Variants in CHST11 observed in about 807,000 individuals in gnomAD.
CHST11 encodes C4S-1.
Under a neutral mutation model 30.4 loss-of-function variants are expected in CHST11, and 9 were observed. The observed-to-expected ratio is 0.30, with a 90% CI of 0.18 to 0.52. The LOEUF is 0.52. CHST11 is among the 20% of genes least tolerant of loss of function. CHST11 has a pLI of 0.97. For missense variants in CHST11, 348 were observed against 460.6 expected, an observed-to-expected ratio of 0.76 and a Z score of 2.24; for synonymous variants, 152 against 187.8, an observed-to-expected ratio of 0.81 and a Z score of 1.56.
At chr12:104,670,643 T>A (rs930119362) in intron 2 of CHST11, among the ~76,000 whole-genome samples, 1 of 142,932 alleles carries the variant, frequency 7.0e-6, no homozygotes, top group Admixed American at 7.0e-5. Context: ...TCATGCACAC[T>A]CTCCCACACA....
chr12:104,723,346 G>A (rs2136127945), intron 2 of CHST11, among the ~76,000 whole-genome samples: 1 of 152,312 alleles, frequency 6.6e-6, no homozygotes, highest in East Asian at 1.9e-4. Context: ...ACATAGTCAG[G>A]ACAGCCTGGC....
intron 1 of CHST11, among the ~76,000 whole-genome samples, chr12:104,505,340 C>G (rs901335776): frequency 1.3e-5 from 2 of 152,160 alleles, no homozygotes; most frequent in East Asian, 3.8e-4. Flanking sequence ...CCACACCCCC[C>G]CAGCAGAGAG....
chr12:104,547,228 A>G (rs997313151), intron 1 of CHST11, among the ~76,000 whole-genome samples: 2 of 152,274 alleles, frequency 1.3e-5, no homozygotes, highest in Admixed American at 1.3e-4. Context: ...CAGCCCCAGA[A>G]AGGGAGGTGT....
At chr12:104,740,843 A>G (rs312172) in intron 2 of CHST11, among the ~76,000 whole-genome samples, 31,201 of 152,124 alleles carry the variant, frequency 0.21, 3,351 homozygotes, top group Admixed American at 0.24. Context: ...GAGATGTCTG[A>G]CTTCCTCAGT....
At chr12:104,723,239 G>A (rs1333812924) in intron 2 of CHST11, among the ~76,000 whole-genome samples, 1 of 152,138 alleles carries the variant, frequency 6.6e-6, no homozygotes, top group Admixed American at 6.5e-5. Flanking sequence ...ATACAGCTGT[G>A]AGCCCTTTGT....
At chr12:104,473,892 T>A (rs926790199) in intron 1 of CHST11, among the ~76,000 whole-genome samples, 9 of 152,040 alleles carry the variant, frequency 5.9e-5, no homozygotes, top group Admixed American at 5.2e-4. Flanking sequence ...TCCCCTTTAT[T>A]TTCCGTTAAA....
chr12:104,468,002 C>G (rs959534697), intron 1 of CHST11, among the ~76,000 whole-genome samples: 6 of 152,112 alleles, frequency 3.9e-5, no homozygotes, highest in African/African-American at 1.4e-4. Context: ...AAGCTCTGTT[C>G]TAGGTGTAGA....
Position 104,491,443 on chromosome 12 carries a change from C to CTCTTCTTCT in CHST11, c.118+33928_118+33936dup, listed in dbSNP as rs147243817. On this transcript the variant is annotated intron_variant, in intron 1 of 2. Transcript: ENST00000303694. The stretch of plus-strand genomic sequence containing the variant: ...GAAACAAGAACCACTTTACCTTAGT[C>CTCTTCTTCT]TCTTCTTCTTCTTCTTCTTCTTTTC... 8.1e-3 allele frequency among the ~76,000 whole-genome samples: 1,225 copies of CTCTTCTTCT among 151,606 alleles called. 15 individuals are homozygous for CTCTTCTTCT. Among genetic ancestry groups the CTCTTCTTCT allele is most frequent in the African/African-American group, 0.028 (1,135 of 41,200 alleles).
chr12:104,482,605 T>G (rs1477367412), intron 1 of CHST11, among the ~76,000 whole-genome samples: 1 of 152,110 alleles, frequency 6.6e-6, no homozygotes, highest in African/African-American at 2.4e-5. Flanking sequence ...ATTTTGGTCC[T>G]TTGAGCAAGG....
Position 104,757,691 on chromosome 12 carries a change from C to T in CHST11, c.947C>T (p.Thr316Ile). The T allele has an allele frequency of 6.2e-7, 1 of 1,614,164 alleles. No individual in the cohort carries two copies. Among genetic ancestry groups the T allele is most frequent in the Non-Finnish European group, 8.5e-7 (1 of 1,180,046 alleles). Reference protein sequence around the residue: ...KSTRTTDEMTTEFFQNISSEH... With the variant: ...KSTRTTDEMTIEFFQNISSEH... ...ACGAGAACTACTGATGAAATGACCACAGAATTCTTCCAGAACATCAGCTCA... is the reference window on the plus strand; with the variant it reads ...ACGAGAACTACTGATGAAATGACCATAGAATTCTTCCAGAACATCAGCTCA... Residue 316 changes from threonine to isoleucine, a missense_variant, in exon 3 of 3, where the codon ACA becomes ATA. Thr to Ile is a moderately conservative substitution (Grantham distance 89). This residue lies in a region of CHST11 where 210 missense variants were observed against 287.2 expected (regional missense o/e 0.73). Coordinates refer to ENST00000303694, the MANE Select transcript of CHST11 (RefSeq NM_018413.6). The surrounding 1 kb of genome is among the most constrained non-coding windows in gnomAD (Gnocchi z 6.5).
In CHST11 at chr12:104,676,942, T is replaced by C. The variant is rs1242230364; in HGVS notation, c.204+74951T>C. Among the ~76,000 whole-genome samples, 1 of 152,130 alleles carries C rather than the reference T, an allele frequency of 6.6e-6. No homozygotes were observed. The highest frequency in any genetic ancestry group is 2.4e-5 in the African/African-American group (1 of 41,436). ...TCTTGTTTCTATAGGGGCTGTGTGG[T>C]GTGGGCCCCATCCCAGCCCCTGCCC... On this transcript the variant is annotated intron_variant, in intron 2 of 2. Coordinates refer to ENST00000303694, the MANE Select transcript of CHST11 (RefSeq NM_018413.6). This position sits in a 1 kb window ranked among gnomAD's most constrained non-coding sequence, Gnocchi z 4.4.
chr12:104,583,691 CT>C (rs2136033732), intron 1 of CHST11, among the ~76,000 whole-genome samples: 1 of 149,528 alleles, frequency 6.7e-6, no homozygotes, highest in South Asian at 2.2e-4. Flanking sequence ...AAACAAATGC[CT>C]TGTGCTCTCA....
At chr12:104,466,248 A>G (rs1277377475) in intron 1 of CHST11, among the ~76,000 whole-genome samples, 2 of 152,190 alleles carry the variant, frequency 1.3e-5, no homozygotes, top group Admixed American at 6.5e-5. Flanking sequence ...ATGGGGCTCC[A>G]GGAATGTCTC....
In CHST11 at chr12:104,533,913, G is replaced by A. The variant is rs1005871974; in HGVS notation, c.119-67993G>A. 2.6e-5 allele frequency among the ~76,000 whole-genome samples: 4 copies of A among 152,202 alleles called. No homozygotes were observed. The South Asian group carries it at 6.2e-4, about 24-fold the overall frequency. ...ACAAAAATTTCCGTTGGATTGGGCC[G>A]AGGCTGGGAAATTGAAGGCATTTAT... On this transcript the variant is annotated intron_variant, in intron 1 of 2. Transcript: ENST00000303694.
At chr12:104,496,006 C>G (rs926572808) in intron 1 of CHST11, among the ~76,000 whole-genome samples, 1 of 152,210 alleles carries the variant, frequency 6.6e-6, no homozygotes, top group African/African-American at 2.4e-5. Context: ...ACTGATGCCT[C>G]GGATAGCAGA....
rs542393252 is a variant in CHST11 at position 104,603,451 on chromosome 12, C to T, written c.204+1460C>T. Among the ~76,000 whole-genome samples, 7 of 152,342 alleles carry T rather than the reference C, an allele frequency of 4.6e-5. No individual in the cohort carries two copies. The South Asian group carries it at 1.5e-3, about 32-fold the overall frequency. On this transcript the variant is annotated intron_variant, in intron 2 of 2. Coordinates refer to ENST00000303694, the MANE Select transcript of CHST11 (RefSeq NM_018413.6). ...CCCCTGTGGATGGAAGGTCCATGGA[C>T]TGCGTCTGTCCTGTTCACTGTTGGC...
intron 1 of CHST11, among the ~76,000 whole-genome samples, chr12:104,494,885 A>G (rs1364310862): frequency 2.0e-5 from 3 of 152,176 alleles, no homozygotes; most frequent in Non-Finnish European, 4.4e-5. Context: ...AGTGGTAAGT[A>G]TATTCATACT....
At chr12:104,659,142 C>T (rs992228513) in intron 2 of CHST11, among the ~76,000 whole-genome samples, 7 of 152,190 alleles carry the variant, frequency 4.6e-5, no homozygotes, top group African/African-American at 2.4e-5. Context: ...TGTCTGGATC[C>T]GTGCTCAAGA....
intron 1 of CHST11, among the ~76,000 whole-genome samples, chr12:104,546,060 T>C (rs998325190): frequency 2.6e-5 from 4 of 152,240 alleles, no homozygotes; most frequent in Non-Finnish European, 5.9e-5. Flanking sequence ...ACCAGCACAT[T>C]GGGGATTTCG....
Sources: allele counts gnomAD v4.1 joint callset (sites outside exome capture counted in the v4.1 genomes callset), GRCh38; gene constraint gnomAD v4.1.1; regional missense constraint gnomAD v4.1.1; non-coding constraint Gnocchi (gnomAD v3.1); transcripts MANE v1.5; gene names NCBI Gene and HGNC (gene_info 2026-07-23, HGNC 2026-07-21).